Variants in QTGAL observed in about 807,000 individuals in gnomAD.
QTGAL encodes the protein BGnT-like protein 1.
At chr17:82,951,951 G>A in the QTGAL span, among the ~76,000 whole-genome samples, 1 of 152,006 alleles carries the variant, frequency 6.6e-6, no homozygotes, top group Non-Finnish European at 1.5e-5. Context: ...CATATTGCGA[G>A]AATTAACACG....
At chr17:82,951,970 G>GGGAGACGT in the QTGAL span, among the ~76,000 whole-genome samples, 4 of 152,188 alleles carry the variant, frequency 2.6e-5, no homozygotes, top group Middle Eastern at 3.4e-3. Flanking sequence ...CGTGGAGATG[G>GGGAGACGT]GGAGACGTGG....
chr17:83,011,193 AGAGGAGGAGGAAG>A, the QTGAL span, among the ~76,000 whole-genome samples: 2 of 152,202 alleles, frequency 1.3e-5, no homozygotes, highest in African/African-American at 4.8e-5. Flanking sequence ...AGCCGGGGCG[AGAGGAGGAGGAAG>A]GACGGGGGTT....
chr17:83,038,624 C>A, the QTGAL span, among the ~76,000 whole-genome samples: 1 of 152,072 alleles, frequency 6.6e-6, no homozygotes, highest in South Asian at 2.1e-4. Context: ...TGTGGGAGGC[C>A]AAGGCAGGCG....
chr17:83,013,333 C>T, the QTGAL span, among the ~76,000 whole-genome samples: 5 of 146,422 alleles, frequency 3.4e-5, no homozygotes, highest in African/African-American at 5.0e-5. Context: ...TCCGTGCAGC[C>T]GGCTGCACCC....
chr17:82,960,821 C>T, the QTGAL span, among the ~76,000 whole-genome samples: 5 of 152,378 alleles, frequency 3.3e-5, no homozygotes, highest in East Asian at 5.8e-4. Context: ...TAGGGAAGGA[C>T]GTTCGGCCTT....
chr17:83,002,889 C>CCACTCTCT, the QTGAL span, among the ~76,000 whole-genome samples: 3 of 68,248 alleles, frequency 4.4e-5, no homozygotes, highest in Admixed American at 1.5e-4. Flanking sequence ...GCCCGCCCTC[C>CCACTCTCT]GCGTGTGGGA....
At chr17:82,999,942 T>A in the QTGAL span, among the ~76,000 whole-genome samples, 1 of 151,874 alleles carries the variant, frequency 6.6e-6, no homozygotes, top group South Asian at 2.1e-4. Flanking sequence ...AGGTCACTGG[T>A]TTTTTTTGTT....
chr17:83,034,525 T>C, the QTGAL span, among the ~76,000 whole-genome samples: 1 of 152,148 alleles, frequency 6.6e-6, no homozygotes, highest in Non-Finnish European at 1.5e-5. Context: ...TAATAACTGA[T>C]AAGGTTGGGC....
the QTGAL span, among the ~76,000 whole-genome samples, chr17:83,017,241 G>A: frequency 6.6e-6 from 1 of 152,224 alleles, no homozygotes; most frequent in African/African-American, 2.4e-5. Flanking sequence ...CAAAACTACA[G>A]TCAGGTAAAA....
At chr17:83,007,010 G>A in the QTGAL span, 17,500 of 374,068 alleles carry the variant, frequency 0.047, 422 homozygotes, top group South Asian at 0.058. Flanking sequence ...TTTTCATTCC[G>A]TTCTGATGGC....
the QTGAL span, among the ~76,000 whole-genome samples, chr17:82,968,709 T>C: frequency 6.6e-6 from 1 of 152,220 alleles, no homozygotes; most frequent in Non-Finnish European, 1.5e-5. Flanking sequence ...CCTTAAAATT[T>C]GTCTTGTTGG....
chr17:82,961,237 C>T, the QTGAL span: 2 of 1,571,456 alleles, frequency 1.3e-6, no homozygotes, highest in Non-Finnish European at 1.7e-6. Flanking sequence ...CGTGCCTGCC[C>T]CGGATGCACA....
the QTGAL span, chr17:83,007,022 C>T: frequency 2.7e-6 from 1 of 376,846 alleles, no homozygotes; most frequent in Non-Finnish European, 3.7e-6. Context: ...TCTGATGGCA[C>T]CGTGCTTTAA....
chr17:83,005,030 A>G, the QTGAL span: 1 of 1,149,540 alleles, frequency 8.7e-7, no homozygotes, highest in Non-Finnish European at 1.2e-6. The surrounding 1 kb of genome is among the most constrained non-coding windows in gnomAD (Gnocchi z 5.6). Flanking sequence ...GACGACGCAG[A>G]CACAAGAGGC....
chr17:83,019,786 T>C, the QTGAL span, among the ~76,000 whole-genome samples: 16 of 151,906 alleles, frequency 1.1e-4, no homozygotes, highest in East Asian at 2.7e-3. Flanking sequence ...CAGGCTGGAG[T>C]GCAGTGGCGC....
chr17:82,994,536 AC>A, the QTGAL span, among the ~76,000 whole-genome samples: 2 of 152,176 alleles, frequency 1.3e-5, no homozygotes, highest in Non-Finnish European at 2.9e-5. Flanking sequence ...ATAACAAGTA[AC>A]AGGGTCAAAG....
chr17:82,988,362 T>A, the QTGAL span, among the ~76,000 whole-genome samples: 40,745 of 152,072 alleles, frequency 0.27, 5,656 homozygotes, highest in East Asian at 0.37. Flanking sequence ...TAACTCAAGA[T>A]GGATTAAAGA....
At chr17:83,033,171 T>C in the QTGAL span, among the ~76,000 whole-genome samples, 1 of 152,246 alleles carries the variant, frequency 6.6e-6, no homozygotes, top group African/African-American at 2.4e-5. Context: ...GTGTAGACTA[T>C]ACAAGCGACT....
At chr17:82,947,022 G>A in the QTGAL span, 3 of 1,525,324 alleles carry the variant, frequency 2.0e-6, no homozygotes, top group Non-Finnish European at 2.7e-6. Flanking sequence ...CCGGTCTCCT[G>A]GCTCTAGGAG....
Sources: allele counts gnomAD v4.1 joint callset (sites outside exome capture counted in the v4.1 genomes callset), GRCh38; gene constraint gnomAD v4.1.1; non-coding constraint Gnocchi (gnomAD v3.1); transcripts MANE v1.5; gene names NCBI Gene and HGNC (gene_info 2026-07-23, HGNC 2026-07-21).